GPHN: variants seen among roughly 807,000 people sequenced by gnomAD.
The protein encoded by GPHN is gephyrin.
In GPHN, 17 loss-of-function variants were observed where a neutral mutation model predicts 95.5. That is an observed-to-expected ratio of 0.18 (90% CI 0.12 to 0.27). The LOEUF (loss-of-function observed/expected upper bound fraction) is 0.27. Ranked by LOEUF, GPHN falls within the 10% of genes least tolerant of loss-of-function variation. The pLI, the probability that GPHN is intolerant of heterozygous loss-of-function variation, is 1.00. For synonymous variants in GPHN, 320 were observed against 322.5 expected (o/e 0.99, Z 0.08); for missense variants, 660 against 978.1 (o/e 0.67, Z 4.34).
At chr14:66,586,604 A>C (rs2061431142) in intron 1 of GPHN, among the ~76,000 whole-genome samples, 1 of 152,220 alleles carries the variant, frequency 6.6e-6, no homozygotes, top group South Asian at 2.1e-4. Context: ...ATATCTCAGC[A>C]TTTGCTTATC....
the GPHN span, among the ~76,000 whole-genome samples, chr14:67,190,226 T>C: frequency 8.1e-6 from 1 of 123,722 alleles, no homozygotes; most frequent in South Asian, 2.5e-4. Context: ...TTTGTTCTTT[T>C]CTTTTTTTTT....
chr14:67,359,799 G>T, the GPHN span: 1 of 1,393,950 alleles, frequency 7.2e-7, no homozygotes, highest in Non-Finnish European at 1.0e-6. Context: ...GGAGTCAGCT[G>T]GTTGTGTCAC....
downstream of GPHN, among the ~76,000 whole-genome samples, chr14:67,182,550 A>G (rs1313514820): frequency 6.6e-6 from 1 of 152,194 alleles, no homozygotes; most frequent in Non-Finnish European, 1.5e-5. Context: ...ATGAAAGAGT[A>G]TGCAAATAAT....
chr14:67,581,150 A>G, the GPHN span: 8 of 698,366 alleles, frequency 1.1e-5, no homozygotes, highest in Admixed American at 4.4e-5. Context: ...ACCCACAGAT[A>G]TAACACTGCC....
the GPHN span, chr14:67,733,764 G>A: frequency 6.2e-7 from 1 of 1,613,092 alleles, no homozygotes; most frequent in Admixed American, 1.7e-5. Context: ...AGAGGACCTG[G>A]GTGTCTCCAA....
chr14:66,614,549 A>G (rs2062920220), intron 1 of GPHN, among the ~76,000 whole-genome samples: 1 of 150,856 alleles, frequency 6.6e-6, no homozygotes, highest in Admixed American at 6.6e-5. Context: ...TATTAATAGT[A>G]ATTATATTCT....
chr14:67,596,295 ATTTTTTT>A, the GPHN span, among the ~76,000 whole-genome samples: 143 of 60,230 alleles, frequency 2.4e-3, 2 homozygotes, highest in African/African-American at 9.5e-3. Flanking sequence ...CGCCCAGCTA[ATTTTTTT>A]TTTTTTTTTT....
At chr14:67,279,366 A>G in the GPHN span, 1 of 1,614,028 alleles carries the variant, frequency 6.2e-7, no homozygotes, top group Non-Finnish European at 8.5e-7. Context: ...ACAGGAGGAC[A>G]TGAGGCGTAG....
At chr14:67,153,622 T>G (rs1368713356) in intron 18 of GPHN, among the ~76,000 whole-genome samples, 2 of 152,212 alleles carry the variant, frequency 1.3e-5, no homozygotes, top group East Asian at 3.8e-4. Context: ...ACTCTCAGTT[T>G]TATTCAGTTT....
chr14:66,614,232 A>G (rs2062902936), intron 1 of GPHN, among the ~76,000 whole-genome samples: 1 of 152,148 alleles, frequency 6.6e-6, no homozygotes, highest in South Asian at 2.1e-4. Context: ...ACAAACAATT[A>G]TTATTAGTAG....
chr14:67,092,076 G>A (rs751061133), intron 12 of GPHN, among the ~76,000 whole-genome samples: 110 of 152,158 alleles, frequency 7.2e-4, no homozygotes, highest in Non-Finnish European at 1.4e-3. Flanking sequence ...CATAATTAAA[G>A]AAGCAAAAGT....
the GPHN span, chr14:67,578,479 G>A: frequency 8.4e-7 from 1 of 1,195,456 alleles, no homozygotes; most frequent in East Asian, 2.5e-5. This position sits in a 1 kb window ranked among gnomAD's most constrained non-coding sequence, Gnocchi z 5.0. Flanking sequence ...GGGCTATGAG[G>A]ACAGGTGGTG....
chr14:66,772,257 C>G (rs1010802367), intron 2 of GPHN, among the ~76,000 whole-genome samples: 1 of 152,198 alleles, frequency 6.6e-6, no homozygotes. Flanking sequence ...TTCTCCATCT[C>G]CACTGCTACC....
At chr14:67,116,311 GAAA>G (rs1420300474) in intron 16 of GPHN, among the ~76,000 whole-genome samples, 1 of 146,242 alleles carries the variant, frequency 6.8e-6, no homozygotes, top group African/African-American at 2.5e-5. Context: ...AAGAAAGAAA[GAAA>G]AAGAAAGAAA....
At chr14:66,984,106 A>G (rs2070865804) in intron 9 of GPHN, among the ~76,000 whole-genome samples, 1 of 152,194 alleles carries the variant, frequency 6.6e-6, no homozygotes, top group South Asian at 2.1e-4. Context: ...AGTTCAGAAC[A>G]TCTTCACAGT....
chr14:67,153,048 C>G (rs971446512), intron 18 of GPHN, among the ~76,000 whole-genome samples: 2 of 152,054 alleles, frequency 1.3e-5, no homozygotes, highest in African/African-American at 4.8e-5. Flanking sequence ...CGCCTGTAAT[C>G]CTAGCACTTT....
the GPHN span, chr14:67,201,878 A>G: frequency 5.7e-6 from 1 of 176,698 alleles, no homozygotes; most frequent in African/African-American, 2.4e-5. Context: ...CTGTCTGCCC[A>G]TCCTCCAGTC....
At position 66,965,179 on chromosome 14, in the gene GPHN, C is replaced by T. The variant is rs748638918; in HGVS notation, c.829-12C>T. 10 of 1,607,684 alleles carry T rather than the reference C, an allele frequency of 6.2e-6. No individual in the cohort carries two copies. The highest frequency in any genetic ancestry group is 7.7e-6 in the Non-Finnish European group (9 of 1,174,456). On this transcript the variant is annotated splice_polypyrimidine_tract_variant and intron_variant, in intron 8 of 22. Transcript: ENST00000478722. ...TTCAGAATATTAAACCATAGTTGTT[C>T]CCCTTGTTCAGATTCCAGACTCCAT...
the GPHN span, chr14:67,350,681 A>G: frequency 1.2e-6 from 2 of 1,613,426 alleles, no homozygotes. Context: ...TCGCCCATCA[A>G]CATTTTAGTC....
Sources: gnomAD v4.1 joint callset for allele counts (sites outside exome capture counted in the v4.1 genomes callset) on GRCh38, gnomAD v4.1.1 for gene constraint, Gnocchi (gnomAD v3.1) non-coding constraint, MANE v1.5 for transcripts, NCBI Gene and HGNC (gene_info 2026-07-23, HGNC 2026-07-21) for gene names.